SLCO1B3: variants seen among roughly 807,000 people sequenced by gnomAD.
The protein encoded by SLCO1B3 is solute carrier organic anion transporter family member 1B3, also known as liver-specific organic anion transporter 2.
A neutral mutation model predicts 71.8 loss-of-function variants in SLCO1B3; 72 were observed. That is an observed-to-expected ratio of 1.00 (90% CI 0.83 to 1.22). The LOEUF (loss-of-function observed/expected upper bound fraction) is 1.22. Among genes scored for constraint, SLCO1B3 ranks in the 50% most tolerant of loss-of-function variants. The pLI, the probability that SLCO1B3 is intolerant of heterozygous loss-of-function variation, is 0.00. For synonymous variants in SLCO1B3, 298 were observed against 278.4 expected (o/e 1.07, Z -0.70); for missense variants, 911 against 819.7 (o/e 1.11, Z -1.36).
chr12:20,880,707 G>C (rs1865673154), intron 11 of SLCO1B3, 148 bp from the exon 12 acceptor site: 1 of 513,316 alleles, frequency 1.9e-6, no homozygotes, highest in Non-Finnish European at 3.2e-6. Flanking sequence ...CTAATTAAAG[G>C]AAAACCCTTT....
intron 8 of SLCO1B3, among the ~76,000 whole-genome samples, chr12:20,864,997 C>T (rs1378855740): frequency 1.4e-4 from 21 of 152,062 alleles, no homozygotes; most frequent in African/African-American, 4.1e-4. Context: ...ATTTTGGCAC[C>T]GGCATTAATA....
intron 3 of SLCO1B3, among the ~76,000 whole-genome samples, chr12:20,828,800 C>T (rs11045532): frequency 0.45 from 68,094 of 151,910 alleles, 17,696 homozygotes; most frequent in South Asian, 0.64. Context: ...ACACAACTAT[C>T]AACCCAGAAA....
At chr12:20,855,824 T>C (rs1013728287) in intron 4 of SLCO1B3, among the ~76,000 whole-genome samples, 1 of 151,676 alleles carries the variant, frequency 6.6e-6, no homozygotes, top group African/African-American at 2.4e-5. Context: ...AAAATTTTTC[T>C]TATTTTACAA....
intron 8 of SLCO1B3, among the ~76,000 whole-genome samples, chr12:20,872,072 T>A (rs1311902263): frequency 3.9e-5 from 6 of 152,042 alleles, no homozygotes; most frequent in Non-Finnish European, 8.8e-5. Context: ...TCTGTTTTAC[T>A]ATGGCTACGC....
At chr12:20,852,077 A>G (rs11045562) in intron 3 of SLCO1B3, among the ~76,000 whole-genome samples, 110,193 of 152,144 alleles carry the variant, frequency 0.72, 42,494 homozygotes, top group South Asian at 0.9. Flanking sequence ...TATTTTGAAA[A>G]CAGGAAATAT....
rs1434745478 is a variant in SLCO1B3 at position 20,878,801 on chromosome 12, G to A, written c.1136-635G>A. Among the ~76,000 whole-genome samples the A allele has an allele frequency of 2.0e-5, 3 of 151,900 alleles. No individual in the cohort carries two copies. The East Asian group carries it at 5.8e-4, about 29-fold the overall frequency. ...CTGTGAAATGGAAAAAATGTAACAG[G>A]GATCAGTCATTTTTAATCCTGTATG... On this transcript the variant is annotated intron_variant, in intron 10 of 15. Transcript: ENST00000381545.
At chr12:20,893,890 C>T (rs1319626747) in intron 13 of SLCO1B3, among the ~76,000 whole-genome samples, 1 of 151,922 alleles carries the variant, frequency 6.6e-6, no homozygotes, top group Non-Finnish European at 1.5e-5. Flanking sequence ...TTGAAAAGGC[C>T]CAAAGGAGGG....
intron 3 of SLCO1B3, among the ~76,000 whole-genome samples, chr12:20,835,737 C>T (rs2121150959): frequency 1.3e-5 from 2 of 152,270 alleles, no homozygotes; most frequent in East Asian, 1.9e-4. Context: ...TCTGAGCCCT[C>T]CAATTCTCTA....
chr12:20,856,124 T>C (rs1046537469), intron 4 of SLCO1B3, among the ~76,000 whole-genome samples: 2 of 152,216 alleles, frequency 1.3e-5, no homozygotes, highest in African/African-American at 2.4e-5. Context: ...AATTTTAGAA[T>C]TGGAATGTTA....
intron 8 of SLCO1B3, among the ~76,000 whole-genome samples, chr12:20,874,385 A>C (rs956969440): frequency 2.6e-5 from 4 of 152,158 alleles, no homozygotes; most frequent in African/African-American, 9.7e-5. Context: ...CCTGATGTAT[A>C]GCAATCTCTC....
At chr12:20,902,322 C>T (rs1387887712) in intron 15 of SLCO1B3, 1 of 152,808 alleles carries the variant, frequency 6.5e-6, no homozygotes, top group Non-Finnish European at 1.5e-5. Flanking sequence ...ACTATGTCTT[C>T]AGTATCTGTT....
chr12:20,845,925 TC>T (rs1258368465), intron 3 of SLCO1B3, among the ~76,000 whole-genome samples: 2 of 152,076 alleles, frequency 1.3e-5, no homozygotes, highest in African/African-American at 2.4e-5. Context: ...AAATTTAATC[TC>T]TTTTTGTTGG....
At chr12:20,871,413 C>A (rs1865472861) in intron 8 of SLCO1B3, among the ~76,000 whole-genome samples, 1 of 152,004 alleles carries the variant, frequency 6.6e-6, no homozygotes, top group Admixed American at 6.6e-5. Flanking sequence ...TTCCCTGGTG[C>A]CTTATTTAAT....
chr12:20,827,772 A>G (rs1001472024), intron 3 of SLCO1B3, among the ~76,000 whole-genome samples: 8 of 151,996 alleles, frequency 5.3e-5, no homozygotes, highest in Non-Finnish European at 1.2e-4. Flanking sequence ...GGTTTACCAT[A>G]TTGGCCAGGC....
intron 8 of SLCO1B3, among the ~76,000 whole-genome samples, chr12:20,868,772 A>C (rs1865421264): frequency 6.6e-6 from 1 of 152,108 alleles, no homozygotes; most frequent in South Asian, 2.1e-4. Context: ...GATACAAAGC[A>C]AAAGGGGCAG....
At chr12:20,912,428 A>G (rs1565611406) in intron 15 of SLCO1B3, among the ~76,000 whole-genome samples, 1 of 150,988 alleles carries the variant, frequency 6.6e-6, no homozygotes, top group African/African-American at 2.4e-5. Flanking sequence ...TCCTGGGTTC[A>G]AACAATTCTC....
chr12:20,916,225 A>C lies in SLCO1B3; in HGVS notation c.2087A>C (p.Gln696Pro). 1 of 1,613,028 alleles carries C rather than the reference A, an allele frequency of 6.2e-7. No homozygotes were observed. Among genetic ancestry groups the C allele is most frequent in the Non-Finnish European group, 8.5e-7 (1 of 1,179,268 alleles). The change falls in exon 16 of 16, where the codon CAA becomes CCA. Residue 696 changes from glutamine to proline, a missense_variant. Transcript: ENST00000381545. ...AGTAAAACATGTAATTTGGACATGC[A>C]AGACAATGCTGCTGCCAACTAACAT... ...TDSKTCNLDM[Q>P]DNAAAN
chr12:20,905,941 G>T (rs534914198), intron 15 of SLCO1B3, among the ~76,000 whole-genome samples: 1 of 152,222 alleles, frequency 6.6e-6, no homozygotes, highest in East Asian at 1.9e-4. Flanking sequence ...TTACAGTCAT[G>T]GTGGAAGGGG....
At chr12:20,830,376 A>C (rs919996433) in intron 3 of SLCO1B3, among the ~76,000 whole-genome samples, 1 of 152,154 alleles carries the variant, frequency 6.6e-6, no homozygotes, top group Admixed American at 6.5e-5. Flanking sequence ...TCAATATTTA[A>C]AGGGGAAAAA....
Sources: gnomAD v4.1 joint callset for allele counts (sites outside exome capture counted in the v4.1 genomes callset) on GRCh38, gnomAD v4.1.1 for gene constraint, MANE v1.5 for transcripts, NCBI Gene and HGNC (gene_info 2026-07-23, HGNC 2026-07-21) for gene names.